PRKCE: variants seen among roughly 807,000 people sequenced by gnomAD.
PRKCE encodes protein kinase C epsilon.
A neutral mutation model predicts 85.4 loss-of-function variants in PRKCE; 16 were observed. The observed-to-expected ratio is 0.19, with a 90% CI of 0.13 to 0.28. The LOEUF (loss-of-function observed/expected upper bound fraction) is 0.28. Among genes scored for constraint, PRKCE ranks in the 10% least tolerant of loss-of-function variants. The probability of loss-of-function intolerance (pLI) is 1.00; values close to 1 mark genes in which losing one functional copy is unlikely to be tolerated. For missense variants in PRKCE, 573 were observed against 975.2 expected, an observed-to-expected ratio of 0.59 and a Z score of 5.49; for synonymous variants, 388 against 371.5, an observed-to-expected ratio of 1.04 and a Z score of -0.51.
intron 2 of PRKCE, among the ~76,000 whole-genome samples, chr2:45,848,357 C>T (rs998465108): frequency 2.0e-5 from 3 of 151,942 alleles, no homozygotes; most frequent in African/African-American, 7.3e-5. Flanking sequence ...GTCGCCCAGG[C>T]TGGAGTGTGG....
At chr2:45,939,454 C>T (rs1340045779) in intron 2 of PRKCE, among the ~76,000 whole-genome samples, 1 of 152,194 alleles carries the variant, frequency 6.6e-6, no homozygotes, top group African/African-American at 2.4e-5. Flanking sequence ...CATCTGGGCA[C>T]CTTCCTTTGT....
intron 2 of PRKCE, among the ~76,000 whole-genome samples, chr2:45,937,273 G>A (rs1194927425): frequency 6.6e-6 from 1 of 152,244 alleles, no homozygotes; most frequent in African/African-American, 2.4e-5. Flanking sequence ...CCATAGCTGT[G>A]TCCCTTGGTC....
chr2:45,673,075 A>AT (rs35436372), intron 1 of PRKCE, among the ~76,000 whole-genome samples: 6 of 151,652 alleles, frequency 4.0e-5, no homozygotes, highest in South Asian at 4.2e-4. Context: ...ACAGTGAGAG[A>AT]TTTTTTTTTA....
rs1243253747 is a variant in PRKCE at position 45,663,932 on chromosome 2, C to T, written c.348+11484C>T. Among the ~76,000 whole-genome samples the T allele has an allele frequency of 3.3e-5, 5 of 152,264 alleles. No homozygotes were observed. The East Asian group carries it at 5.8e-4, about 18-fold the overall frequency. ...AAACCAAAACAAACTATCCAAAGAA[C>T]GGGAACAGTAGCTAGAATGGATGTT... On this transcript the variant is annotated intron_variant, in intron 1 of 14. Coordinates refer to ENST00000306156, the MANE Select transcript of PRKCE (RefSeq NM_005400.3).
chr2:45,862,085 A>AT (rs1427890751), intron 2 of PRKCE, among the ~76,000 whole-genome samples: 1 of 151,908 alleles, frequency 6.6e-6, no homozygotes, highest in Non-Finnish European at 1.5e-5. Flanking sequence ...ACTCATTAAC[A>AT]TTTTTGCTGT....
At chr2:45,680,924 C>T (rs1240032933) in intron 1 of PRKCE, among the ~76,000 whole-genome samples, 2 of 152,160 alleles carry the variant, frequency 1.3e-5, no homozygotes, top group African/African-American at 4.8e-5. Flanking sequence ...GGCCACCAGA[C>T]CCTGTGTTAG....
intron 1 of PRKCE, among the ~76,000 whole-genome samples, chr2:45,706,422 C>A (rs985479809): frequency 2.6e-5 from 4 of 152,200 alleles, no homozygotes; most frequent in African/African-American, 9.7e-5. Flanking sequence ...TCTGAATCCT[C>A]CCTGCCCTTG....
chr2:46,133,914 G>T (rs1455174160), intron 11 of PRKCE, among the ~76,000 whole-genome samples: 9 of 152,182 alleles, frequency 5.9e-5, no homozygotes, highest in African/African-American at 1.9e-4. Flanking sequence ...GTGAGGGGCT[G>T]CTTCAGGTAA....
In PRKCE at chr2:45,685,809, G is replaced by A. The variant is rs148829082; in HGVS notation, c.348+33361G>A. Among the ~76,000 whole-genome samples the A allele has an allele frequency of 1.1e-4, 17 of 152,248 alleles. No homozygotes were observed. The East Asian group carries it at 3.3e-3, about 29-fold the overall frequency. On this transcript the variant is annotated intron_variant, in intron 1 of 14. Transcript: ENST00000306156. ...ATTTGGATAAGCCTGGTGACAGTCT[G>A]CACACTATAGACTAGAGCACTCTGC... is the stretch of plus-strand genomic sequence containing the variant.
intron 11 of PRKCE, among the ~76,000 whole-genome samples, chr2:46,110,593 G>A (rs1486796736): frequency 6.6e-6 from 1 of 151,472 alleles, no homozygotes; most frequent in East Asian, 1.9e-4. Flanking sequence ...TTCTGGGCTA[G>A]CCTGGCTATA....
rs780645606 is a variant in PRKCE, at chr2:46,001,989, T to C, written c.966+443T>C. Among the ~76,000 whole-genome samples, 4 of 152,168 alleles carry C rather than the reference T, an allele frequency of 2.6e-5. No individual in the cohort carries two copies. The highest frequency in any genetic ancestry group is 2.9e-5 in the Non-Finnish European group (2 of 68,028). On this transcript the variant is annotated intron_variant, in intron 7 of 14. Transcript: ENST00000306156. The surrounding 1 kb of genome is among the most constrained non-coding windows in gnomAD (Gnocchi z 4.4). Reference sequence around the variant, plus strand: ...TTTTCTAGGGAGGAAGCCAAGATGATTTGTGATCATACCAGCACTGAGCTG... The same window carrying C: ...TTTTCTAGGGAGGAAGCCAAGATGACTTGTGATCATACCAGCACTGAGCTG...
intron 10 of PRKCE, among the ~76,000 whole-genome samples, chr2:46,022,771 G>T (rs1706772706): frequency 6.6e-6 from 1 of 152,210 alleles, no homozygotes; most frequent in Non-Finnish European, 1.5e-5. Flanking sequence ...TCTAGCTTCT[G>T]TCTTATCCAG....
At chr2:45,803,927 A>G (rs1384694657) in intron 1 of PRKCE, among the ~76,000 whole-genome samples, 1 of 152,236 alleles carries the variant, frequency 6.6e-6, no homozygotes, top group African/African-American at 2.4e-5. Context: ...TAATGGGCAA[A>G]GCTGGAAGTC....
intron 1 of PRKCE, among the ~76,000 whole-genome samples, chr2:45,685,804 A>C (rs1677252534): frequency 6.6e-6 from 1 of 152,256 alleles, no homozygotes; most frequent in South Asian, 2.1e-4. Context: ...GCCTGGTGAC[A>C]GTCTGCACAC....
At chr2:45,805,596 CTTTT>C (rs529307964) in intron 1 of PRKCE, among the ~76,000 whole-genome samples, 1 of 142,604 alleles carries the variant, frequency 7.0e-6, no homozygotes. Flanking sequence ...TTACCTTCCT[CTTTT>C]TTTTTTTTTT....
chr2:46,098,608 T>C (rs1217171960), intron 11 of PRKCE, among the ~76,000 whole-genome samples: 1 of 152,162 alleles, frequency 6.6e-6, no homozygotes, highest in Non-Finnish European at 1.5e-5. Context: ...ACCTGTCCTA[T>C]ATAGGGGAAT....
intron 1 of PRKCE, among the ~76,000 whole-genome samples, chr2:45,691,497 G>T (rs1000603413): frequency 1.3e-5 from 2 of 152,172 alleles, no homozygotes; most frequent in South Asian, 4.1e-4. Context: ...AAAGAGAAAA[G>T]AGAATAACTA....
chr2:45,653,085 G>A (rs548550760), intron 1 of PRKCE, among the ~76,000 whole-genome samples: 4 of 152,302 alleles, frequency 2.6e-5, no homozygotes, highest in Non-Finnish European at 4.4e-5. Context: ...CAGAATGAAT[G>A]TTGCATTTTA....
At chr2:45,787,905 C>T (rs373586322) in intron 1 of PRKCE, among the ~76,000 whole-genome samples, 10 of 152,284 alleles carry the variant, frequency 6.6e-5, no homozygotes, top group Non-Finnish European at 1.2e-4. Flanking sequence ...CAGAGCATTG[C>T]GATCCTGCCA....
Sources: gnomAD v4.1 joint callset for allele counts (sites outside exome capture counted in the v4.1 genomes callset) on GRCh38, gnomAD v4.1.1 for gene constraint, Gnocchi (gnomAD v3.1) non-coding constraint, MANE v1.5 for transcripts, NCBI Gene and HGNC (gene_info 2026-07-23, HGNC 2026-07-21) for gene names.